The following SPATA31H1 variants were observed in gnomAD, a reference collection of about 807,000 sequenced individuals.
SPATA31H1 encodes the protein spermatogenesis-associated protein 31H1.
chr2:27,542,630 G>A, the SPATA31H1 span, among the ~76,000 whole-genome samples: 6 of 151,842 alleles, frequency 4.0e-5, no homozygotes, highest in Admixed American at 1.3e-4. Context: ...ATAGTTATAT[G>A]GGGGTCACAA....
the SPATA31H1 span, among the ~76,000 whole-genome samples, chr2:27,553,746 A>C: frequency 6.8e-6 from 1 of 147,602 alleles, no homozygotes; most frequent in Non-Finnish European, 1.5e-5. Flanking sequence ...ACATGGTGAA[A>C]CCCTGTCTGT....
At chr2:27,554,227 T>G in the SPATA31H1 span, among the ~76,000 whole-genome samples, 1 of 152,060 alleles carries the variant, frequency 6.6e-6, no homozygotes, top group Admixed American at 6.5e-5. Flanking sequence ...AGCATCACCC[T>G]TAATAGTTCA....
the SPATA31H1 span, among the ~76,000 whole-genome samples, chr2:27,555,727 T>G: frequency 6.6e-6 from 1 of 151,992 alleles, no homozygotes; most frequent in Admixed American, 6.5e-5. Flanking sequence ...TTTTAGCACA[T>G]TAAAAGATGT....
the SPATA31H1 span, among the ~76,000 whole-genome samples, chr2:27,557,933 C>G: frequency 1.0e-4 from 1 of 9,816 alleles, no homozygotes; most frequent in African/African-American, 3.5e-4. Context: ...CCACCTCCCT[C>G]CCGGATGGGG....
At chr2:27,576,690 G>T in the SPATA31H1 span, 1 of 1,614,054 alleles carries the variant, frequency 6.2e-7, no homozygotes, top group Non-Finnish European at 8.5e-7. Context: ...GTTCCCATCA[G>T]GACCACTGTT....
chr2:27,553,365 G>A, the SPATA31H1 span, among the ~76,000 whole-genome samples: 3 of 151,986 alleles, frequency 2.0e-5, no homozygotes, highest in Non-Finnish European at 2.9e-5. Flanking sequence ...TGCTCCTTCA[G>A]TTCAACCTGG....
chr2:27,563,546 C>T, the SPATA31H1 span, among the ~76,000 whole-genome samples: 7 of 150,880 alleles, frequency 4.6e-5, no homozygotes, highest in Admixed American at 1.3e-4. Context: ...CAGGCACACA[C>T]CACCACACCC....
the SPATA31H1 span, among the ~76,000 whole-genome samples, chr2:27,564,232 A>G: frequency 6.6e-6 from 1 of 152,070 alleles, no homozygotes; most frequent in Non-Finnish European, 1.5e-5. Context: ...CTAGAGTACA[A>G]ATTTTCTTGT....
At chr2:27,547,955 T>G in the SPATA31H1 span, among the ~76,000 whole-genome samples, 3 of 150,346 alleles carry the variant, frequency 2.0e-5, no homozygotes, top group Non-Finnish European at 4.4e-5. Flanking sequence ...ACCATTATCA[T>G]GCCAAAAAAT....
chr2:27,580,554 G>A, the SPATA31H1 span: 1 of 1,614,204 alleles, frequency 6.2e-7, no homozygotes, highest in Non-Finnish European at 8.5e-7. Flanking sequence ...GAAGAGGATT[G>A]GAGCAACTCA....
the SPATA31H1 span, chr2:27,578,755 T>G: frequency 6.2e-7 from 1 of 1,614,082 alleles, no homozygotes; most frequent in Admixed American, 1.7e-5. Flanking sequence ...GGGACTGACT[T>G]CTCTAGGTTC....
the SPATA31H1 span, chr2:27,573,340 A>C: frequency 2.5e-6 from 1 of 398,138 alleles, no homozygotes; most frequent in Admixed American, 4.4e-5. Context: ...GGAAGTGTGA[A>C]CTCTGTGCAG....
At chr2:27,576,493 G>T in the SPATA31H1 span, 1 of 1,101,500 alleles carries the variant, frequency 9.1e-7, no homozygotes. Flanking sequence ...AATTCTTCAG[G>T]GTTGACATCA....
chr2:27,547,355 A>G, the SPATA31H1 span, among the ~76,000 whole-genome samples: 1 of 151,692 alleles, frequency 6.6e-6, no homozygotes, highest in African/African-American at 2.4e-5. Flanking sequence ...TGTATTTTTT[A>G]GTAGAGATAA....
At chr2:27,577,446 G>C in the SPATA31H1 span, 2 of 1,614,046 alleles carry the variant, frequency 1.2e-6, no homozygotes, top group Non-Finnish European at 1.7e-6. The surrounding 1 kb of genome is among the most constrained non-coding windows in gnomAD (Gnocchi z 4.5). Context: ...TGAATTCTTT[G>C]GAATGACCCC....
At chr2:27,578,697 T>C in the SPATA31H1 span, 1 of 1,614,148 alleles carries the variant, frequency 6.2e-7, no homozygotes, top group Non-Finnish European at 8.5e-7. Context: ...AGGACACGTG[T>C]GTCAGAATAG....
At chr2:27,579,718 G>GT in the SPATA31H1 span, 2 of 1,614,116 alleles carry the variant, frequency 1.2e-6, no homozygotes, top group South Asian at 2.2e-5. Context: ...ATGGAAGAAA[G>GT]TGAGGACTCA....
chr2:27,562,502 C>T, the SPATA31H1 span, among the ~76,000 whole-genome samples: 1 of 143,088 alleles, frequency 7.0e-6, no homozygotes, highest in Admixed American at 6.9e-5. Context: ...CAGAACGAGA[C>T]CTTGTCTCAA....
the SPATA31H1 span, chr2:27,570,418 T>A: frequency 2.5e-6 from 1 of 398,840 alleles, no homozygotes; most frequent in African/African-American, 2.1e-5. Flanking sequence ...AGGCCAAAGC[T>A]GCAAGGTGTC....
Sources: gnomAD v4.1 joint callset for allele counts (sites outside exome capture counted in the v4.1 genomes callset) on GRCh38, gnomAD v4.1.1 for gene constraint, Gnocchi (gnomAD v3.1) non-coding constraint, MANE v1.5 for transcripts, NCBI Gene and HGNC (gene_info 2026-07-23, HGNC 2026-07-21) for gene names.